Variants in CA4 observed in about 807,000 individuals in gnomAD.
CA4 encodes the protein CA-IV.
Under a neutral mutation model 34.5 loss-of-function variants are expected in CA4, and 24 were observed. The observed-to-expected ratio is 0.70, with a 90% CI of 0.50 to 0.98. The LOEUF (loss-of-function observed/expected upper bound fraction) is 0.98, where lower values mean the gene tolerates loss of function less well. CA4 is among the 50% of genes least tolerant of loss of function. The pLI, the probability that CA4 is intolerant of heterozygous loss-of-function variation, is 0.00. For synonymous variants in CA4, 178 were observed against 170.6 expected (o/e 1.04, Z -0.34); for missense variants, 394 against 396.7 (o/e 0.99, Z 0.06).
intron 6 of CA4, 51 bp downstream of exon 6, chr17:60,158,178 C>T: frequency 2.5e-6 from 4 of 1,606,932 alleles, no homozygotes; most frequent in East Asian, 2.2e-5. Context: ...GGATTCCTCC[C>T]ACAAAGGAAG....
chr17:60,155,015 C>A (rs865833582), intron 1 of CA4, among the ~76,000 whole-genome samples: 24 of 152,140 alleles, frequency 1.6e-4, no homozygotes, highest in Middle Eastern at 3.2e-3. Flanking sequence ...GATGGAGTAT[C>A]CAAGCCAGCC....
At chr17:60,165,833 T>C (rs893139479) in intron 5 of CA4, among the ~76,000 whole-genome samples, 24 of 137,304 alleles carry the variant, frequency 1.7e-4, no homozygotes, top group South Asian at 4.3e-4. Flanking sequence ...ACAAATCTCT[T>C]TTTTTTTTTT....
At chr17:60,176,246 T>A in the CA4 span, among the ~76,000 whole-genome samples, 2 of 152,194 alleles carry the variant, frequency 1.3e-5, no homozygotes, top group Non-Finnish European at 2.9e-5. Context: ...AAACCCTCTT[T>A]GTAAAATAGG....
At chr17:60,177,657 A>C in the CA4 span, among the ~76,000 whole-genome samples, 4 of 152,330 alleles carry the variant, frequency 2.6e-5, no homozygotes, top group Non-Finnish European at 4.4e-5. Context: ...ATTTTGTCTG[A>C]CTTTATTACA....
chr17:60,174,402 AAAAAC>A (rs149129634), downstream of CA4, among the ~76,000 whole-genome samples: 19,792 of 151,920 alleles, frequency 0.13, 2,752 homozygotes, highest in African/African-American at 0.34. Flanking sequence ...TCTTCATGGG[AAAAAC>A]AAAACAAAAC....
At chr17:60,173,468 C>G (rs183766667), downstream of CA4, among the ~76,000 whole-genome samples, 2 of 152,352 alleles carry the variant, frequency 1.3e-5, no homozygotes, top group East Asian at 3.9e-4. Flanking sequence ...TAATCCTAAT[C>G]TCACTTTATG....
At chr17:60,156,772 G>A (rs931046912) in intron 3 of CA4, 57 bp downstream of exon 3, 67 of 1,514,176 alleles carry the variant, frequency 4.4e-5, no homozygotes, top group Non-Finnish European at 6.0e-5. Flanking sequence ...CAAGGACTGA[G>A]AGGATGGGGC....
chr17:60,153,228 C>A (rs2083621579), intron 1 of CA4, among the ~76,000 whole-genome samples: 1 of 152,114 alleles, frequency 6.6e-6, no homozygotes, highest in Non-Finnish European at 1.5e-5. Flanking sequence ...ATCCCAGTTA[C>A]TCAGGAGGCT....
chr17:60,161,974 T>C (rs1422822467), downstream of CA4, among the ~76,000 whole-genome samples: 1 of 151,442 alleles, frequency 6.6e-6, no homozygotes, highest in East Asian at 1.9e-4. Flanking sequence ...CCTTAGTGAA[T>C]AATGTGGCAG....
downstream of CA4, among the ~76,000 whole-genome samples, chr17:60,173,196 A>C (rs535195271): frequency 9.2e-5 from 14 of 152,252 alleles, no homozygotes; most frequent in Middle Eastern, 3.2e-3. Flanking sequence ...ATACATAAAT[A>C]AAATGGATAT....
In CA4 at chr17:60,159,251, C is replaced by G. The variant is rs2083752124; in HGVS notation, c.766C>G (p.Leu256Val). Reference protein sequence around the residue: ...REQILAFSQKLYYDKEQTVSM... With the variant: ...REQILAFSQKVYYDKEQTVSM... Reference sequence around the variant, plus strand: ...GCAGATCCTGGCATTCTCTCAGAAGCTGTACTACGACAAGGAACAGACAGT... The same window carrying G: ...GCAGATCCTGGCATTCTCTCAGAAGGTGTACTACGACAAGGAACAGACAGT... Residue 256 changes from leucine to valine, a missense_variant, in exon 8 of 8, where the codon CTG becomes GTG. Coordinates refer to ENST00000300900, the MANE Select transcript of CA4 (RefSeq NM_000717.5). 5 of 1,605,838 alleles carry G rather than the reference C, an allele frequency of 3.1e-6. No homozygotes were observed. Among genetic ancestry groups the G allele is most frequent in the Admixed American group, 1.7e-5 (1 of 58,962 alleles).
downstream of CA4, among the ~76,000 whole-genome samples, chr17:60,171,896 C>G (rs1423545645): frequency 6.6e-6 from 1 of 152,196 alleles, no homozygotes. Context: ...GCAAGTGACC[C>G]CCAAGGTCAT....
At chr17:60,164,311 TCTTC>T (rs773464354), downstream of CA4, among the ~76,000 whole-genome samples, 12 of 150,512 alleles carry the variant, frequency 8.0e-5, no homozygotes, top group Admixed American at 2.0e-4. Flanking sequence ...TCTTTCTCTT[TCTTC>T]CTTCCTTCCT....
intron 1 of CA4, among the ~76,000 whole-genome samples, chr17:60,153,792 G>A (rs564673388): frequency 1.3e-4 from 20 of 152,344 alleles, no homozygotes; most frequent in African/African-American, 4.8e-4. Context: ...CCCACATGGG[G>A]GTGGTTCAGG....
At chr17:60,176,126 A>G in the CA4 span, among the ~76,000 whole-genome samples, 2 of 152,242 alleles carry the variant, frequency 1.3e-5, no homozygotes, top group African/African-American at 4.8e-5. Flanking sequence ...CATTTTATGC[A>G]TTTTTAATGT....
chr17:60,166,007 G>A (rs1029202448), intron 5 of CA4, among the ~76,000 whole-genome samples: 4 of 152,212 alleles, frequency 2.6e-5, no homozygotes, highest in Non-Finnish European at 2.9e-5. Context: ...AAGAGAGAAG[G>A]GTGGGCAAGA....
chr17:60,172,554 G>A (rs182625140), downstream of CA4, among the ~76,000 whole-genome samples: 1 of 152,290 alleles, frequency 6.6e-6, no homozygotes, highest in East Asian at 1.9e-4. Flanking sequence ...GTCTAAAATA[G>A]ATACATATGT....
At chr17:60,155,405 T>C (rs1204246024) in intron 2 of CA4, 38 bp downstream of exon 2, 1 of 1,558,358 alleles carries the variant, frequency 6.4e-7, no homozygotes, top group Non-Finnish European at 8.7e-7. Flanking sequence ...TCTTTGTGCA[T>C]GGTGGGCACC....
chr17:60,175,915 C>G, the CA4 span, among the ~76,000 whole-genome samples: 3,177 of 150,558 alleles, frequency 0.021, 133 homozygotes, highest in African/African-American at 0.074. Context: ...CTCCCGGGTT[C>G]AAGCAATTCT....
Sources: gnomAD v4.1 joint callset for allele counts (sites outside exome capture counted in the v4.1 genomes callset) on GRCh38, gnomAD v4.1.1 for gene constraint, MANE v1.5 for transcripts, NCBI Gene and HGNC (gene_info 2026-07-23, HGNC 2026-07-21) for gene names.